NAA50: variants seen among roughly 807,000 people sequenced by gnomAD.
NAA50 encodes N-alpha-acetyltransferase 50, NatE catalytic subunit, also known as N-alpha-acetyltransferase 50.
NAA50 carries 7 observed loss-of-function variants against 20.7 expected under a neutral mutation model. That is an observed-to-expected ratio of 0.34 (90% confidence interval 0.19 to 0.63). The LOEUF is 0.63. NAA50 is among the 30% of genes least tolerant of loss of function. The pLI, the probability that NAA50 is intolerant of heterozygous loss-of-function variation, is 0.75. For synonymous variants in NAA50, 54 were observed against 70.6 expected, an observed-to-expected ratio of 0.77 and a Z score of 1.18; for missense variants, 111 against 199.1, an observed-to-expected ratio of 0.56 and a Z score of 2.66.
chr3:113,736,074 A>C (rs1337628452), intron 1 of NAA50, among the ~76,000 whole-genome samples: 1 of 152,206 alleles, frequency 6.6e-6, no homozygotes, highest in African/African-American at 2.4e-5. Context: ...AAAGTCTCAA[A>C]TTGCAGCTTC....
At chr3:113,727,258 A>C (rs957473969) in intron 1 of NAA50, among the ~76,000 whole-genome samples, 1 of 152,210 alleles carries the variant, frequency 6.6e-6, no homozygotes, top group African/African-American at 2.4e-5. Context: ...TTAGTATTTA[A>C]AAAGTGATTT....
At chr3:113,742,350 C>T (rs1186697064) in intron 1 of NAA50, among the ~76,000 whole-genome samples, 3 of 151,992 alleles carry the variant, frequency 2.0e-5, no homozygotes, top group African/African-American at 7.3e-5. Flanking sequence ...CAGCCTTGAA[C>T]TCCTGGGCTC....
chr3:113,722,601 T>A (rs993113243), intron 4 of NAA50, among the ~76,000 whole-genome samples: 1 of 152,154 alleles, frequency 6.6e-6, no homozygotes, highest in African/African-American at 2.4e-5. Context: ...AGGTTTTGCA[T>A]GAGAAAAGTA....
At chr3:113,744,050 A>T (rs562492956) in intron 1 of NAA50, among the ~76,000 whole-genome samples, 1 of 152,344 alleles carries the variant, frequency 6.6e-6, no homozygotes, top group Non-Finnish European at 1.5e-5. Context: ...ATCCATGGCA[A>T]TTTCAACACT....
chr3:113,727,477 T>C (rs563874214), intron 1 of NAA50, among the ~76,000 whole-genome samples: 195 of 152,328 alleles, frequency 1.3e-3, no homozygotes, highest in African/African-American at 4.3e-3. Flanking sequence ...AAAGTGGTTA[T>C]AGTGCACTGT....
At chr3:113,722,041 A>T in intron 4 of NAA50, 104 bp from the exon 5 acceptor site, 1 of 1,031,890 alleles carries the variant, frequency 9.7e-7, no homozygotes. Flanking sequence ...TTCTCTTTAC[A>T]ACTACCAGTA....
At chr3:113,735,580 CTTAAT>C (rs1234634016) in intron 1 of NAA50, among the ~76,000 whole-genome samples, 3 of 152,208 alleles carry the variant, frequency 2.0e-5, no homozygotes, top group South Asian at 2.1e-4. Context: ...TGTAGACTAT[CTTAAT>C]TTATCAGTAG....
At position 113,721,658 on chromosome 3, in the gene NAA50, G is replaced by C; in HGVS notation, c.*102C>G. On this transcript the variant is annotated 3_prime_UTR_variant, in exon 5 of 5. Coordinates refer to ENST00000240922, the MANE Select transcript of NAA50 (RefSeq NM_025146.4). The stretch of plus-strand genomic sequence containing the variant: ...AGAAAGAAAAACAAGAACAAGGAGG[G>C]AGAAAAGCTTTAAAAGAAAAGTGTT... 1.7e-6 allele frequency: 2 copies of C among 1,206,748 alleles called. No individual in the cohort carries two copies. Among genetic ancestry groups the C allele is most frequent in the Non-Finnish European group, 2.4e-6 (2 of 835,696 alleles). 74.8% of individuals were successfully genotyped at this position (1,206,748 alleles called of 1,614,324 possible).
At chr3:113,734,835 G>GT (rs761677660) in intron 1 of NAA50, among the ~76,000 whole-genome samples, 198 of 151,478 alleles carry the variant, frequency 1.3e-3, no homozygotes, top group Middle Eastern at 3.4e-3. Context: ...TGTTCTGATA[G>GT]TTTTTTTTTC....
In NAA50 at chr3:113,721,343, C is replaced by T. The variant is rs1708132427; in HGVS notation, c.*417G>A. The T allele has an allele frequency of 2.1e-5, 4 of 193,358 alleles. No homozygotes were observed. The South Asian group carries it at 3.9e-4, about 19-fold the overall frequency. The allele number at this position is 193,358 out of a possible 1,614,324, so 12.0% of individuals were successfully genotyped here. A position where few individuals can be genotyped will look rare whatever the true frequency, so the allele number is the denominator to read the frequency against. On this transcript the variant is annotated 3_prime_UTR_variant, in exon 5 of 5. Coordinates refer to ENST00000240922, the MANE Select transcript of NAA50 (RefSeq NM_025146.4). ...TTAAAAACCCAAAGTACCACAAACACACTCAACTTGTCTATGAATTAGAGA... is the reference window on the plus strand; with the variant it reads ...TTAAAAACCCAAAGTACCACAAACATACTCAACTTGTCTATGAATTAGAGA...
At chr3:113,745,714 C>G (rs1214823860) in intron 1 of NAA50, 2 of 537,488 alleles carry the variant, frequency 3.7e-6, no homozygotes, top group Non-Finnish European at 6.5e-6. Context: ...GTCTCCGAAC[C>G]GAAACCCTGA....
At chr3:113,745,821 G>A in intron 1 of NAA50, 121 bp downstream of exon 1, 1 of 1,211,062 alleles carries the variant, frequency 8.3e-7, no homozygotes. Context: ...GAGAAGCAGA[G>A]AAATCTCCCT....
chr3:113,719,438 T>C lies in NAA50; in HGVS notation c.*2322A>G, dbSNP rs190689462. 7 of 152,686 alleles carry C rather than the reference T, an allele frequency of 4.6e-5. No individual in the cohort carries two copies. The highest frequency in any genetic ancestry group is 2.1e-4 in the South Asian group (1 of 4,834). 9.5% of individuals were successfully genotyped at this position (152,686 alleles called of 1,614,324 possible). A position where few individuals can be genotyped will look rare whatever the true frequency, so the allele number is the denominator to read the frequency against. ...TACTTCAAAGATAATTATTATCATA[T>C]ATCAAAATAACCAGCTCAACATAGG... On this transcript the variant is annotated 3_prime_UTR_variant, in exon 5 of 5. Transcript: ENST00000240922.
intron 1 of NAA50, among the ~76,000 whole-genome samples, chr3:113,745,143 A>C (rs918882459): frequency 1.2e-4 from 19 of 152,246 alleles, no homozygotes; most frequent in Non-Finnish European, 7.3e-5. Context: ...GAGACATTTC[A>C]TAAAAACTTA....
rs762997685 is a variant in NAA50 at position 113,716,824 on chromosome 3, G to C, written c.*4936C>G. The C allele has an allele frequency of 6.6e-6, 1 of 152,134 alleles. No homozygotes were observed. The highest frequency in any genetic ancestry group is 1.5e-5 in the Non-Finnish European group (1 of 68,018). 9.4% of individuals were successfully genotyped at this position (152,134 alleles called of 1,614,324 possible). On this transcript the variant is annotated 3_prime_UTR_variant, in exon 5 of 5. Transcript: ENST00000240922. Reference sequence around the variant, plus strand: ...AGCTTACAAACTCCAAAATAGTTCAGCCAATAGAGTAACTTCCCAAATGCT... The same window carrying C: ...AGCTTACAAACTCCAAAATAGTTCACCCAATAGAGTAACTTCCCAAATGCT...
intron 3 of NAA50, 116 bp from the exon 4 acceptor site, chr3:113,723,088 C>A (rs1358874983): frequency 7.7e-7 from 1 of 1,294,142 alleles, no homozygotes; most frequent in Non-Finnish European, 1.0e-6. Context: ...ATGAGGTATA[C>A]ACTAGATATC....
chr3:113,723,739 A>C, intron 2 of NAA50, 198 bp from the exon 3 acceptor site: 1 of 756,578 alleles, frequency 1.3e-6, no homozygotes, highest in Non-Finnish European at 2.0e-6. Flanking sequence ...GTGAAAACAC[A>C]CAGGTATACA....
intron 4 of NAA50, 40 bp downstream of exon 4, chr3:113,722,866 A>G: frequency 6.7e-7 from 1 of 1,483,334 alleles, no homozygotes; most frequent in Non-Finnish European, 9.1e-7. Flanking sequence ...CCTGCCAATT[A>G]AACCCCTTTG....
intron 1 of NAA50, among the ~76,000 whole-genome samples, chr3:113,730,268 T>G (rs1197295340): frequency 6.6e-6 from 1 of 152,102 alleles, no homozygotes; most frequent in African/African-American, 2.4e-5. Flanking sequence ...ACCACTGCAC[T>G]CCAGCCTGAG....
Sources: gnomAD v4.1 joint callset for allele counts (sites outside exome capture counted in the v4.1 genomes callset) on GRCh38, gnomAD v4.1.1 for gene constraint, MANE v1.5 for transcripts, NCBI Gene and HGNC (gene_info 2026-07-23, HGNC 2026-07-21) for gene names.